Variants in PRICKLE1 observed in about 807,000 individuals in gnomAD.
The protein encoded by PRICKLE1 is prickle planar cell polarity protein 1, also known as prickle-like protein 1.
In PRICKLE1, 14 loss-of-function variants were observed where a neutral mutation model predicts 70.2. The ratio of observed to expected loss-of-function variants is 0.20; its 90% CI spans 0.13 to 0.31. The LOEUF (loss-of-function observed/expected upper bound fraction) is 0.31. Among genes scored for constraint, PRICKLE1 ranks in the 10% least tolerant of loss-of-function variants. The pLI is 1.00. For synonymous variants in PRICKLE1, 357 were observed against 379.9 expected (o/e 0.94, Z 0.70); for missense variants, 821 against 1,026.2 (o/e 0.80, Z 2.73).
intron 1 of PRICKLE1, among the ~76,000 whole-genome samples, chr12:42,580,161 C>T (rs1186360378): frequency 6.6e-6 from 1 of 152,100 alleles, no homozygotes; most frequent in Non-Finnish European, 1.5e-5. Flanking sequence ...AGGTGTGAGT[C>T]ACCACACCTG....
At chr12:42,506,067 C>T (rs1224814601) in intron 1 of PRICKLE1, among the ~76,000 whole-genome samples, 3 of 152,072 alleles carry the variant, frequency 2.0e-5, no homozygotes, top group Non-Finnish European at 2.9e-5. Flanking sequence ...CGAAATTCTA[C>T]CCGGACATCG....
intron 1 of PRICKLE1, among the ~76,000 whole-genome samples, chr12:42,575,515 T>C (rs1379976564): frequency 1.3e-5 from 2 of 151,912 alleles, no homozygotes; most frequent in East Asian, 3.9e-4. Flanking sequence ...ACTAACATGG[T>C]AAAACCCATC....
chr12:42,527,116 TTTTTTTTTCCTC>T (rs1438823705), intron 1 of PRICKLE1, among the ~76,000 whole-genome samples: 2 of 139,608 alleles, frequency 1.4e-5, no homozygotes, highest in Non-Finnish European at 1.5e-5. Context: ...GTGCTTTCTT[TTTTTTTTTCCTC>T]TTTTTTTTTT....
chr12:42,513,705 A>G (rs1211611110), intron 1 of PRICKLE1, among the ~76,000 whole-genome samples: 3 of 152,094 alleles, frequency 2.0e-5, no homozygotes, highest in Admixed American at 6.6e-5. Context: ...AAATTATTAT[A>G]TAATAGGCTG....
rs183227145 is a variant in PRICKLE1 at position 42,458,228 on chromosome 12, G to A, written c.*1581C>T. The A allele has an allele frequency of 6.6e-6, 1 of 152,356 alleles. No homozygotes were observed. The highest frequency in any genetic ancestry group is 1.9e-4 in the East Asian group (1 of 5,188). 9.4% of individuals were successfully genotyped at this position (152,356 alleles called of 1,614,324 possible). ...TATTTCTGGCCTACAAGTGGGGCGTGTGGACACACGAGACAAATGGAGGTC... is the reference window on the plus strand; with the variant it reads ...TATTTCTGGCCTACAAGTGGGGCGTATGGACACACGAGACAAATGGAGGTC... On this transcript the variant is annotated 3_prime_UTR_variant, in exon 8 of 8. Coordinates refer to ENST00000345127, the MANE Select transcript of PRICKLE1 (RefSeq NM_153026.3).
intron 1 of PRICKLE1, among the ~76,000 whole-genome samples, chr12:42,492,662 T>C (rs1939127422): frequency 6.6e-6 from 1 of 152,282 alleles, no homozygotes; most frequent in African/African-American, 2.4e-5. Context: ...GGCCAAGATT[T>C]GGAATTCAAA....
chr12:42,588,264 T>C (rs761950035), intron 1 of PRICKLE1, among the ~76,000 whole-genome samples: 1 of 152,170 alleles, frequency 6.6e-6, no homozygotes, highest in African/African-American at 2.4e-5. Flanking sequence ...CATTAAAAAA[T>C]GTCTGATGGT....
At chr12:42,518,521 GTTAT>G (rs1389422898) in intron 1 of PRICKLE1, among the ~76,000 whole-genome samples, 6 of 152,262 alleles carry the variant, frequency 3.9e-5, no homozygotes, top group African/African-American at 1.4e-4. Flanking sequence ...ACAAAGCAAA[GTTAT>G]TTAAGTCCTG....
intron 1 of PRICKLE1, among the ~76,000 whole-genome samples, chr12:42,503,709 T>C (rs73128446): frequency 0.042 from 6,392 of 152,328 alleles, 298 homozygotes; most frequent in Admixed American, 0.15. Flanking sequence ...ACAAAAATAA[T>C]TCATATATGA....
chr12:42,509,826 G>A (rs1398607358), intron 1 of PRICKLE1, among the ~76,000 whole-genome samples: 4 of 151,972 alleles, frequency 2.6e-5, no homozygotes, highest in African/African-American at 4.8e-5. Context: ...TGTAATCCCA[G>A]CACTTTGGAA....
intron 1 of PRICKLE1, chr12:42,550,318 G>A (rs1330278878): frequency 3.5e-5 from 3 of 85,822 alleles, no homozygotes; most frequent in African/African-American, 8.8e-5. Context: ...GGGCAACAGA[G>A]CGAGACCTTA....
chr12:42,551,136 T>G (rs1374049362), intron 1 of PRICKLE1, among the ~76,000 whole-genome samples: 1 of 152,236 alleles, frequency 6.6e-6, no homozygotes, highest in Non-Finnish European at 1.5e-5. Context: ...TGTGATCAGC[T>G]AACTCTTTTT....
intron 1 of PRICKLE1, among the ~76,000 whole-genome samples, chr12:42,499,350 T>G (rs77506843): frequency 0.041 from 6,169 of 152,210 alleles, 406 homozygotes; most frequent in African/African-American, 0.14. Context: ...TTCCTATAAA[T>G]AGCAAAATAA....
At chr12:42,544,111 G>C (rs1277289197) in intron 1 of PRICKLE1, among the ~76,000 whole-genome samples, 1 of 152,170 alleles carries the variant, frequency 6.6e-6, no homozygotes, top group African/African-American at 2.4e-5. Context: ...GGCAGAGGTG[G>C]AAGAAAATCC....
chr12:42,469,655 A>C, intron 3 of PRICKLE1, 68 bp from the exon 4 acceptor site: 1 of 1,602,066 alleles, frequency 6.2e-7, no homozygotes, highest in Non-Finnish European at 8.5e-7. Flanking sequence ...CTCTACTTCC[A>C]GAGTTAGGGT....
chr12:42,494,919 C>G (rs1237714965), intron 1 of PRICKLE1, among the ~76,000 whole-genome samples: 1 of 137,348 alleles, frequency 7.3e-6, no homozygotes, highest in Non-Finnish European at 1.5e-5. Context: ...ATTTTTAAGA[C>G]AGGATTTTGC....
intron 5 of PRICKLE1, 89 bp from the exon 6 acceptor site, chr12:42,466,469 G>A: frequency 8.8e-7 from 1 of 1,136,962 alleles, no homozygotes. Context: ...TCCGGGCAAT[G>A]GACAGACACT....
chr12:42,562,947 T>TGGGAGGCCGAGGCGGGCCTGAGGTC (rs1192488773), intron 1 of PRICKLE1, among the ~76,000 whole-genome samples: 1 of 152,128 alleles, frequency 6.6e-6, no homozygotes, highest in African/African-American at 2.4e-5. Context: ...CTCAGCACTT[T>TGGGAGGCCGAGGCGGGCCTGAGGTC]GGGAGGCCGA....
At chr12:42,517,766 G>C (rs568244361) in intron 1 of PRICKLE1, among the ~76,000 whole-genome samples, 10 of 152,158 alleles carry the variant, frequency 6.6e-5, no homozygotes, top group African/African-American at 2.4e-4. Flanking sequence ...GGAGAGGAGA[G>C]GAATTTCAGT....
Sources: gnomAD v4.1 joint callset for allele counts (sites outside exome capture counted in the v4.1 genomes callset) on GRCh38, gnomAD v4.1.1 for gene constraint, MANE v1.5 for transcripts, NCBI Gene and HGNC (gene_info 2026-07-23, HGNC 2026-07-21) for gene names.